CEP63: variants seen among roughly 807,000 people sequenced by gnomAD.
The protein encoded by CEP63 is centrosomal protein of 63 kDa.
CEP63 carries 84 observed loss-of-function variants against 89.1 expected under a neutral mutation model. The observed-to-expected ratio is 0.94, with a 90% confidence interval of 0.79 to 1.13. The LOEUF is 1.13. Among genes scored for constraint, CEP63 ranks in the 50% most tolerant of loss-of-function variants. CEP63 has a pLI of 0.00. For synonymous variants in CEP63, 267 were observed against 272.5 expected, an observed-to-expected ratio of 0.98 and a Z score of 0.20; for missense variants, 838 against 813.3, an observed-to-expected ratio of 1.03 and a Z score of -0.37.
the CEP63 span, among the ~76,000 whole-genome samples, chr3:134,680,526 A>G: frequency 6.6e-6 from 1 of 152,178 alleles, no homozygotes; most frequent in Non-Finnish European, 1.5e-5. Flanking sequence ...AGTAGACTTT[A>G]CTGAGCCTCA....
chr3:134,752,820 A>G, the CEP63 span, among the ~76,000 whole-genome samples: 2 of 152,220 alleles, frequency 1.3e-5, no homozygotes, highest in East Asian at 3.9e-4. Context: ...GTAATTGCCT[A>G]TGGCCACACT....
chr3:134,772,880 G>A, the CEP63 span, among the ~76,000 whole-genome samples: 5 of 152,230 alleles, frequency 3.3e-5, no homozygotes, highest in South Asian at 4.1e-4. Flanking sequence ...TATGCCACTT[G>A]CAGACCTTTG....
chr3:134,621,034 G>A, the CEP63 span, among the ~76,000 whole-genome samples: 68 of 152,332 alleles, frequency 4.5e-4, no homozygotes, highest in African/African-American at 1.5e-3. Flanking sequence ...AAGTTGGACA[G>A]GGCAGGTGGT....
Position 134,559,309 on chromosome 3 carries a change from T to G in CEP63, c.1833T>G (p.Ser611=), listed in dbSNP as rs1173805170. The G allele has an allele frequency of 6.2e-7, 1 of 1,614,052 alleles. No individual in the cohort carries two copies. The highest frequency in any genetic ancestry group is 1.3e-5 in the African/African-American group (1 of 74,922). Reference sequence around the variant, plus strand: ...TCAGCCCTTGCAGCTCCACCAGGTCTTTGACTTCCTACTCTCTATGTAAAA... The same window carrying G: ...TCAGCCCTTGCAGCTCCACCAGGTCGTTGACTTCCTACTCTCTATGTAAAA... The part of the protein sequence containing the change: ...PQISPCSSTR[S]LTSYSLCKTH... Residue 611 remains serine, a synonymous_variant, in exon 14 of 15, where the codon TCT becomes TCG. Coordinates refer to ENST00000675561, the MANE Select transcript of CEP63 (RefSeq NM_001353108.3).
At chr3:134,499,023 T>G (rs1356946991) in intron 2 of CEP63, among the ~76,000 whole-genome samples, 1 of 152,234 alleles carries the variant, frequency 6.6e-6, no homozygotes, top group African/African-American at 2.4e-5. Context: ...CCTTGTCTGC[T>G]TTTGTCATCA....
chr3:134,657,771 T>C, the CEP63 span, among the ~76,000 whole-genome samples: 2 of 152,248 alleles, frequency 1.3e-5, no homozygotes, highest in African/African-American at 4.8e-5. Context: ...AGAAAGACTG[T>C]GCCTATTTAC....
chr3:134,488,003 G>C (rs9834755), intron 1 of CEP63: 1 of 151,940 alleles, frequency 6.6e-6, no homozygotes, highest in Non-Finnish European at 1.5e-5. Context: ...TGTTGCCTTT[G>C]TGTCCTCTAA....
the CEP63 span, among the ~76,000 whole-genome samples, chr3:134,724,600 C>A: frequency 2.0e-5 from 3 of 152,226 alleles, no homozygotes; most frequent in Non-Finnish European, 2.9e-5. Context: ...GTGGGATTAT[C>A]TTCTGGCTAT....
At chr3:134,575,145 TCCCTCCCTCCGTCCC>T (rs1958168937), downstream of CEP63, 1 of 259,976 alleles carries the variant, frequency 3.8e-6, no homozygotes, top group African/African-American at 2.3e-5. Flanking sequence ...CATCCCTCCG[TCCCTCCCTCCGTCCC>T]CCTTCCCCTC....
the CEP63 span, among the ~76,000 whole-genome samples, chr3:134,736,318 C>G: frequency 6.6e-6 from 1 of 152,056 alleles, no homozygotes; most frequent in Non-Finnish European, 1.5e-5. Flanking sequence ...CCATTCACCA[C>G]TTTTATTTAA....
At chr3:134,710,679 G>A in the CEP63 span, among the ~76,000 whole-genome samples, 1 of 148,830 alleles carries the variant, frequency 6.7e-6, no homozygotes, top group Non-Finnish European at 1.5e-5. Flanking sequence ...TGGTTTCTTT[G>A]TCTTCCAGTT....
chr3:134,646,437 A>G, the CEP63 span, among the ~76,000 whole-genome samples: 273 of 152,132 alleles, frequency 1.8e-3, no homozygotes, highest in African/African-American at 6.4e-3. Context: ...TATAATTCCA[A>G]TCATTTTAAT....
Position 134,584,956 on chromosome 3 carries a change from G to GTTTTTTTT in CEP63, c.1207-2491_1207-2484dup, listed in dbSNP as rs780691730. 3.6e-4 allele frequency among the ~76,000 whole-genome samples: 13 copies of GTTTTTTTT among 36,026 alleles called. 1 individual carries two copies. Among genetic ancestry groups the GTTTTTTTT allele is most frequent in the Non-Finnish European group, 5.2e-4 (9 of 17,466 alleles). The allele number at this position is 36,026 out of a possible 152,430, so 23.6% of individuals were successfully genotyped here. ...ATCCATTTCTTCTAGATTTTCTAGG[G>GTTTTTTTT]TTTTTTTTTTTTTTTTTTGCATGGA... On this transcript the variant is annotated intron_variant, in intron 10 of 10. Coordinates refer to the CEP63 transcript ENST00000683931.
chr3:134,621,437 G>A, the CEP63 span, among the ~76,000 whole-genome samples: 90 of 152,306 alleles, frequency 5.9e-4, 1 homozygote, highest in African/African-American at 2.1e-3. Flanking sequence ...GTGGATCTTT[G>A]ACAAGGGTGT....
chr3:134,510,682 C>G (rs777991928), intron 3 of CEP63: 4 of 597,142 alleles, frequency 6.7e-6, no homozygotes, highest in Non-Finnish European at 1.3e-5. Flanking sequence ...CCAGGCTTGT[C>G]TAGCATGAAA....
At chr3:134,522,573 A>G (rs1272849770) in intron 3 of CEP63, among the ~76,000 whole-genome samples, 9 of 152,128 alleles carry the variant, frequency 5.9e-5, no homozygotes, top group Non-Finnish European at 1.3e-4. Context: ...TCACCCAGGT[A>G]TTAAGCCTAG....
At chr3:134,494,545 G>A (rs1939061986) in intron 1 of CEP63, among the ~76,000 whole-genome samples, 1 of 152,158 alleles carries the variant, frequency 6.6e-6, no homozygotes, top group Non-Finnish European at 1.5e-5. Context: ...GGGGAGTTAA[G>A]TTCAGCCAAA....
chr3:134,702,502 C>T, the CEP63 span, among the ~76,000 whole-genome samples: 2,125 of 151,982 alleles, frequency 0.014, 19 homozygotes, highest in Non-Finnish European at 0.022. Context: ...ATCAAAACAA[C>T]ATGGTACTGG....
the CEP63 span, chr3:134,604,607 A>T: frequency 2.9e-5 from 21 of 736,072 alleles, no homozygotes; most frequent in Admixed American, 5.5e-4. Flanking sequence ...CGGTGTTAAT[A>T]CTTTCACCAC....
Sources: gnomAD v4.1 joint callset for allele counts (sites outside exome capture counted in the v4.1 genomes callset) on GRCh38, gnomAD v4.1.1 for gene constraint, MANE v1.5 for transcripts, NCBI Gene and HGNC (gene_info 2026-07-23, HGNC 2026-07-21) for gene names.